The following GPR146 variants were observed in gnomAD, a reference collection of about 807,000 sequenced individuals.
GPR146 encodes the protein G protein-coupled receptor 146.
For missense variants in GPR146, 381 were observed against 213.9 expected, an observed-to-expected ratio of 1.78 and a Z score of -4.87; for synonymous variants, 203 against 104.3, an observed-to-expected ratio of 1.95 and a Z score of -5.77.
At chr7:1,054,628 G>A (rs998132392) in intron 1 of GPR146, among the ~76,000 whole-genome samples, 1 of 152,184 alleles carries the variant, frequency 6.6e-6, no homozygotes. Context: ...GCCTCACGGC[G>A]GGGCAGGCAT....
intron 1 of GPR146, among the ~76,000 whole-genome samples, chr7:1,055,684 C>T (rs1173025068): frequency 1.3e-5 from 2 of 152,172 alleles, no homozygotes; most frequent in African/African-American, 4.8e-5. Flanking sequence ...GGTCCCGGCC[C>T]TTGGCAAGCT....
intron 1 of GPR146, among the ~76,000 whole-genome samples, chr7:1,053,004 C>T (rs756938118): frequency 6.6e-6 from 1 of 152,252 alleles, no homozygotes; most frequent in Non-Finnish European, 1.5e-5. Context: ...CCCCGTTCCT[C>T]TTTCCCTTGA....
intron 1 of GPR146, among the ~76,000 whole-genome samples, chr7:1,053,973 A>C (rs1247605592): frequency 1.3e-5 from 2 of 152,216 alleles, no homozygotes; most frequent in African/African-American, 4.8e-5. Context: ...GCCAGAGAGG[A>C]GGCGGGTCAA....
At chr7:1,045,177 G>C (rs1396593730) in intron 1 of GPR146, among the ~76,000 whole-genome samples, 1 of 152,224 alleles carries the variant, frequency 6.6e-6, no homozygotes, top group Non-Finnish European at 1.5e-5. Context: ...ACTACCAGCA[G>C]CAGAAAACCC....
intron 1 of GPR146, among the ~76,000 whole-genome samples, chr7:1,054,932 C>T (rs1201631748): frequency 6.6e-6 from 1 of 152,246 alleles, no homozygotes; most frequent in African/African-American, 2.4e-5. Context: ...CGACAGTAGA[C>T]CCTTCTGTTG....
Position 1,058,014 on chromosome 7 carries a change from A to G in GPR146, c.499A>G (p.Ile167Val), listed in dbSNP as rs776239189. The G allele has an allele frequency of 1.3e-6, 1 of 769,858 alleles. No individual in the cohort carries two copies. The highest frequency in any genetic ancestry group is 1.7e-5 in the Admixed American group (1 of 59,038). 47.7% of individuals were successfully genotyped at this position (769,858 alleles called of 1,614,324 possible). A position where few individuals can be genotyped will look rare whatever the true frequency, so the allele number is the denominator to read the frequency against. The change falls in exon 2 of 2, where the codon ATC (isoleucine) becomes GTC (valine). Residue 167 changes from isoleucine (I) to valine (V), a missense_variant. Transcript: ENST00000444847. ...LTSFSSLLFY[I>V]CSHVSTRALE... ...CAGCTTCTCCTCGCTGCTCTTCTAC[A>G]TCTGCAGCCATGTGTCCACCCGCGC...
intron 1 of GPR146, among the ~76,000 whole-genome samples, chr7:1,051,409 G>A (rs998011328): frequency 4.6e-5 from 7 of 152,236 alleles, no homozygotes; most frequent in African/African-American, 1.2e-4. Context: ...CCCGCACAGC[G>A]TGGGGAGCAC....
rs972815099 is a variant in GPR146, at chr7:1,052,194, G to A, written c.-24-5298G>A. Among the ~76,000 whole-genome samples, 1 of 152,258 alleles carries A rather than the reference G, an allele frequency of 6.6e-6. No individual in the cohort carries two copies. Among genetic ancestry groups the A allele is most frequent in the East Asian group, 1.9e-4 (1 of 5,198 alleles). ...TGTCATTGTCCCTAAGAGACCCTGA[G>A]GCCTGCTCCAGGCTGAGTGGGTGAG... On this transcript the variant is annotated intron_variant, in intron 1 of 1. Coordinates refer to ENST00000444847, the MANE Select transcript of GPR146 (RefSeq NM_001303473.2). The surrounding 1 kb of genome is among the most constrained non-coding windows in gnomAD (Gnocchi z 4.2).
intron 1 of GPR146, among the ~76,000 whole-genome samples, chr7:1,049,756 G>A (rs1186469265): frequency 1.3e-5 from 2 of 152,220 alleles, no homozygotes; most frequent in Non-Finnish European, 1.5e-5. Context: ...GGAATCAGTG[G>A]TGCTTTCTCA....
intron 1 of GPR146, among the ~76,000 whole-genome samples, chr7:1,054,403 G>GA (rs1783503550): frequency 6.6e-6 from 1 of 152,230 alleles, no homozygotes; most frequent in African/African-American, 2.4e-5. Context: ...AAACAAAAAT[G>GA]CACACAGGAG....
rs1295848650 is a variant in GPR146, at chr7:1,044,619, C to T, written c.-64C>T. The T allele has an allele frequency of 1.3e-5, 2 of 151,366 alleles. No individual in the cohort carries two copies. The highest frequency in any genetic ancestry group is 3.0e-5 in the Non-Finnish European group (2 of 67,762). 9.4% of individuals were successfully genotyped at this position (151,366 alleles called of 1,614,324 possible). Reference sequence around the variant, plus strand: ...GCCGCCTCCGCCAGCCCGAGCTGCCCGCCCGGCGGCGACTGCGCCGGCCGC... The same window carrying T: ...GCCGCCTCCGCCAGCCCGAGCTGCCTGCCCGGCGGCGACTGCGCCGGCCGC... On this transcript the variant is annotated 5_prime_UTR_variant, in exon 1 of 2. Coordinates refer to ENST00000444847, the MANE Select transcript of GPR146 (RefSeq NM_001303473.2).
At position 1,058,117 on chromosome 7, in the gene GPR146, T is replaced by C. The variant is rs1216394009; in HGVS notation, c.602T>C (p.Leu201Pro). 1 of 761,470 alleles carries C rather than the reference T, an allele frequency of 1.3e-6. No homozygotes were observed. The highest frequency in any genetic ancestry group is 2.4e-6 in the Non-Finnish European group (1 of 415,106). 47.2% of individuals were successfully genotyped at this position (761,470 alleles called of 1,614,324 possible). ...LVFIGYVVPA[L>P]ATLYALVLLS... ...TTCATCGGCTACGTGGTGCCAGCAC[T>C]GGCCACCCTCTACGCGCTGGTGCTA... Residue 201 changes from leucine (L) to proline (P), a missense_variant, in exon 2 of 2, where the codon CTG becomes CCG. By Grantham distance (98) the Leu-to-Pro change is moderately conservative (BLOSUM62 -3). Transcript: ENST00000444847.
rs1037982529 is a variant in GPR146 at position 1,052,696 on chromosome 7, C to T, written c.-24-4796C>T. 1.1e-4 allele frequency among the ~76,000 whole-genome samples: 17 copies of T among 152,012 alleles called. No individual in the cohort carries two copies. Among genetic ancestry groups the T allele is most frequent in the East Asian group, 3.9e-4 (2 of 5,168 alleles). On this transcript the variant is annotated intron_variant, in intron 1 of 1. Coordinates refer to ENST00000444847, the MANE Select transcript of GPR146 (RefSeq NM_001303473.2). This position sits in a 1 kb window ranked among gnomAD's most constrained non-coding sequence, Gnocchi z 4.2. The stretch of plus-strand genomic sequence containing the variant: ...TCCCTGCTGGCTGAGGGTGCAGTGG[C>T]GGGCCCCGGAAGCTGAATATCACCC...
At chr7:1,053,805 C>CAACAG (rs1783427383) in intron 1 of GPR146, among the ~76,000 whole-genome samples, 1 of 152,166 alleles carries the variant, frequency 6.6e-6, no homozygotes, top group South Asian at 2.1e-4. Flanking sequence ...CCAGCCTGGG[C>CAACAG]AACAGAGCGA....
At chr7:1,053,305 G>A (rs898971093) in intron 1 of GPR146, among the ~76,000 whole-genome samples, 3 of 152,274 alleles carry the variant, frequency 2.0e-5, no homozygotes, top group Admixed American at 1.3e-4. Flanking sequence ...CAGGTGTGGC[G>A]ACGGCGGGGG....
At chr7:1,055,064 C>T (rs889816177) in intron 1 of GPR146, among the ~76,000 whole-genome samples, 3 of 148,802 alleles carry the variant, frequency 2.0e-5, no homozygotes, top group African/African-American at 5.0e-5. Context: ...TGGGATGCCC[C>T]GCAGCGATGC....
At chr7:1,045,595 C>A (rs1016356837) in intron 1 of GPR146, 1 of 152,220 alleles carries the variant, frequency 6.6e-6, no homozygotes, top group African/African-American at 2.4e-5. Context: ...ACCGTCCTAA[C>A]TGGGGCACCG....
chr7:1,051,479 T>C (rs80036332), intron 1 of GPR146, among the ~76,000 whole-genome samples: 3,866 of 152,264 alleles, frequency 0.025, 61 homozygotes, highest in Non-Finnish European at 0.03. Context: ...GCTCTGACAC[T>C]CTCCCGATTC....
Position 1,052,796 on chromosome 7 carries a change from G to T in GPR146, c.-24-4696G>T, listed in dbSNP as rs1783260642. Among the ~76,000 whole-genome samples, 1 of 152,124 alleles carries T rather than the reference G, an allele frequency of 6.6e-6. No individual in the cohort carries two copies. Among genetic ancestry groups the T allele is most frequent in the Non-Finnish European group, 1.5e-5 (1 of 68,008 alleles). ...TGTGCCAGCTCTGTTCCTCAAGCCT[G>T]GCCCAAGAGGGACCTGCAGCATGGG... is the stretch of plus-strand genomic sequence containing the variant. On this transcript the variant is annotated intron_variant, in intron 1 of 1. Transcript: ENST00000444847. This position sits in a 1 kb window ranked among gnomAD's most constrained non-coding sequence, Gnocchi z 4.2.
Sources: allele counts gnomAD v4.1 joint callset (sites outside exome capture counted in the v4.1 genomes callset), GRCh38; gene constraint gnomAD v4.1.1; non-coding constraint Gnocchi (gnomAD v3.1); transcripts MANE v1.5; gene names NCBI Gene and HGNC (gene_info 2026-07-23, HGNC 2026-07-21).